Variants in PKIB observed in about 807,000 individuals in gnomAD.
The protein encoded by PKIB is cAMP-dependent protein kinase inhibitor beta, also known as PKI-beta.
PKIB carries 2 observed loss-of-function variants against 4.5 expected under a neutral mutation model. The observed-to-expected ratio is 0.44, with a 90% CI of 0.18 to 1.39. PKIB has a LOEUF of 1.39. Ranked by LOEUF, PKIB falls within the 40% of genes most tolerant of loss-of-function variation. The pLI, the probability that PKIB is intolerant of heterozygous loss-of-function variation, is 0.27. For missense variants in PKIB, 94 were observed against 92.6 expected, an observed-to-expected ratio of 1.02 and a Z score of -0.06; for synonymous variants, 38 against 36.0, an observed-to-expected ratio of 1.06 and a Z score of -0.20.
chr6:122,637,808 T>C (rs1293569275), intron 2 of PKIB, among the ~76,000 whole-genome samples: 1 of 151,770 alleles, frequency 6.6e-6, no homozygotes, highest in Non-Finnish European at 1.5e-5. Flanking sequence ...GATGAAGTTC[T>C]AGTAAAGACC....
chr6:122,575,269 G>A (rs1013622953), intron 2 of PKIB, among the ~76,000 whole-genome samples: 8 of 152,264 alleles, frequency 5.3e-5, no homozygotes, highest in Middle Eastern at 3.4e-3. Context: ...TGGCATGGAT[G>A]TGGTGAAAAG....
At chr6:122,720,398 A>AT (rs1779692457) in intron 4 of PKIB, among the ~76,000 whole-genome samples, 1 of 152,156 alleles carries the variant, frequency 6.6e-6, no homozygotes, top group Non-Finnish European at 1.5e-5. Context: ...ATGGAGAAAG[A>AT]TCAGTGGATT....
chr6:122,677,037 A>G (rs987387976), intron 3 of PKIB, among the ~76,000 whole-genome samples: 1 of 152,202 alleles, frequency 6.6e-6, no homozygotes, highest in Non-Finnish European at 1.5e-5. Flanking sequence ...GTAAGCATAT[A>G]TATGCTATGT....
chr6:122,611,063 G>A (rs1241487630), intron 1 of PKIB, among the ~76,000 whole-genome samples: 1 of 152,230 alleles, frequency 6.6e-6, no homozygotes, highest in East Asian at 1.9e-4. Flanking sequence ...AAAATATGGA[G>A]GTGGGTAGAC....
At chr6:122,561,733 C>A (rs148328568) in intron 2 of PKIB, among the ~76,000 whole-genome samples, 4 of 151,932 alleles carry the variant, frequency 2.6e-5, no homozygotes, top group Admixed American at 1.3e-4. Context: ...AGAAGAGCTA[C>A]CCCTGCTCGC....
At chr6:122,647,656 T>C (rs536841115) in intron 2 of PKIB, among the ~76,000 whole-genome samples, 55 of 152,354 alleles carry the variant, frequency 3.6e-4, no homozygotes, top group African/African-American at 1.3e-3. Context: ...ATTATGAATA[T>C]ATCTTACGTT....
chr6:122,498,336 CAGG>C (rs150274668), intron 2 of PKIB, among the ~76,000 whole-genome samples: 1,905 of 152,214 alleles, frequency 0.013, 45 homozygotes, highest in African/African-American at 0.044. Context: ...CATTCACTAT[CAGG>C]AGGACAGTGC....
chr6:122,706,159 A>G (rs907108096), intron 3 of PKIB, among the ~76,000 whole-genome samples: 1 of 152,082 alleles, frequency 6.6e-6, no homozygotes, highest in Non-Finnish European at 1.5e-5. Context: ...ATTCCTCCCA[A>G]ATTTTGAGGC....
chr6:122,723,309 T>C (rs564236349), intron 4 of PKIB, among the ~76,000 whole-genome samples: 48 of 152,270 alleles, frequency 3.2e-4, no homozygotes, highest in Non-Finnish European at 6.3e-4. Flanking sequence ...CGTCTCCGCT[T>C]GGATATCTAA....
At chr6:122,508,265 C>T (rs942443773) in intron 2 of PKIB, among the ~76,000 whole-genome samples, 1 of 152,042 alleles carries the variant, frequency 6.6e-6, no homozygotes, top group Non-Finnish European at 1.5e-5. Flanking sequence ...TATTTATGGT[C>T]GCATGGACAT....
chr6:122,660,493 C>T (rs965354984), intron 2 of PKIB, among the ~76,000 whole-genome samples: 1 of 152,098 alleles, frequency 6.6e-6, no homozygotes. Context: ...ACCACAGATA[C>T]GGTCACGTTC....
intron 2 of PKIB, among the ~76,000 whole-genome samples, chr6:122,496,921 G>A (rs530359133): frequency 1.3e-5 from 2 of 152,232 alleles, no homozygotes; most frequent in East Asian, 3.9e-4. Context: ...AAAGGATATA[G>A]TCACCAGACT....
At chr6:122,507,936 A>C (rs1048212296) in intron 2 of PKIB, among the ~76,000 whole-genome samples, 3 of 152,184 alleles carry the variant, frequency 2.0e-5, no homozygotes, top group African/African-American at 7.2e-5. Context: ...TTAAGGTAAC[A>C]AGAGCCAATT....
intron 1 of PKIB, among the ~76,000 whole-genome samples, chr6:122,474,342 A>G (rs909291233): frequency 2.0e-5 from 3 of 152,204 alleles, no homozygotes; most frequent in African/African-American, 4.8e-5. Context: ...GCATATTAGC[A>G]TGTTCAATTC....
At chr6:122,481,233 G>A (rs1775601168) in intron 2 of PKIB, 2 of 152,084 alleles carry the variant, frequency 1.3e-5, no homozygotes, top group African/African-American at 4.8e-5. Context: ...ACATATAAAC[G>A]GGAATAAATC....
chr6:122,657,810 A>G (rs1359316017), intron 2 of PKIB, among the ~76,000 whole-genome samples: 2 of 152,252 alleles, frequency 1.3e-5, no homozygotes, highest in Non-Finnish European at 2.9e-5. Context: ...CATAAAACCA[A>G]TAAAAATTCT....
At chr6:122,576,711 T>TATATATATATATATA (rs1554221348) in intron 2 of PKIB, among the ~76,000 whole-genome samples, 14 of 75,666 alleles carry the variant, frequency 1.9e-4, no homozygotes, top group African/African-American at 4.5e-4. Context: ...TATATATATA[T>TATATATATATATATA]TTTCTTTTGT....
At chr6:122,697,918 A>G (rs1371228045) in intron 3 of PKIB, among the ~76,000 whole-genome samples, 10 of 152,134 alleles carry the variant, frequency 6.6e-5, no homozygotes, top group Admixed American at 6.6e-4. Context: ...GATTTGGTTT[A>G]TATATTTATA....
rs115038980 is a variant in PKIB, at chr6:122,583,403, G to A, written c.-247-2518G>A. On this transcript the variant is annotated intron_variant, in intron 2 of 6. Coordinates refer to the PKIB transcript ENST00000392491. ...AGAATTTTTATTCTAATAATGACAT[G>A]GGTAATATGCCAATAAGATACATAT... 7.4e-3 allele frequency among the ~76,000 whole-genome samples: 1,121 copies of A among 152,020 alleles called. 17 individuals carry two copies. The highest frequency in any genetic ancestry group is 0.025 in the African/African-American group (1,045 of 41,492).
Sources: allele counts gnomAD v4.1 joint callset (sites outside exome capture counted in the v4.1 genomes callset), GRCh38; gene constraint gnomAD v4.1.1; transcripts MANE v1.5; gene names NCBI Gene and HGNC (gene_info 2026-07-23, HGNC 2026-07-21).